Variants in RBFOX1 observed in about 807,000 individuals in gnomAD.
The protein encoded by RBFOX1 is RNA binding fox-1 homolog 1, also known as RNA binding protein fox-1 homolog 1.
Under a neutral mutation model 57.7 loss-of-function variants are expected in RBFOX1, and 8 were observed. The ratio of observed to expected loss-of-function variants is 0.14; its 90% CI spans 0.08 to 0.25. The LOEUF is 0.25. Among genes scored for constraint, RBFOX1 ranks in the 10% least tolerant of loss-of-function variants. The pLI, the probability that RBFOX1 is intolerant of heterozygous loss-of-function variation, is 1.00. For synonymous variants in RBFOX1, 326 were observed against 222.4 expected, an observed-to-expected ratio of 1.47 and a Z score of -4.15; for missense variants, 611 against 548.5, an observed-to-expected ratio of 1.11 and a Z score of -1.14.
At chr16:6,312,545 C>T (rs766441704) in intron 1 of RBFOX1, among the ~76,000 whole-genome samples, 1 of 152,092 alleles carries the variant, frequency 6.6e-6, no homozygotes, top group Admixed American at 6.5e-5. Flanking sequence ...GCGCTGCAGA[C>T]CCAATTTCTG....
intron 2 of RBFOX1, among the ~76,000 whole-genome samples, chr16:6,473,097 C>T (rs2095215488): frequency 6.6e-6 from 1 of 152,174 alleles, no homozygotes; most frequent in Non-Finnish European, 1.5e-5. Flanking sequence ...TAGTCTTCTG[C>T]CCGGGGACCC....
At chr16:6,448,127 ATTTTTCTTT>A (rs927789013) in intron 2 of RBFOX1, among the ~76,000 whole-genome samples, 1 of 99,584 alleles carries the variant, frequency 1.0e-5, no homozygotes, top group African/African-American at 4.0e-5. Flanking sequence ...CTGATCAGAC[ATTTTTCTTT>A]TTTTTCTTTT....
chr16:6,067,771 C>G (rs1158697669), intron 1 of RBFOX1, among the ~76,000 whole-genome samples: 1 of 152,164 alleles, frequency 6.6e-6, no homozygotes. Context: ...AAGCTCATTA[C>G]CTAGAGCAAA....
rs960305665 is a variant in RBFOX1 at position 7,401,643 on chromosome 16, C to T, written c.28-116504C>T. Among the ~76,000 whole-genome samples, 4 of 152,300 alleles carry T rather than the reference C, an allele frequency of 2.6e-5. 1 individual carries two copies. The Middle Eastern group carries it at 0.01, about 389-fold the overall frequency. On this transcript the variant is annotated intron_variant, in intron 4 of 15. Transcript: ENST00000550418. ...ATGCATTGATTAGCTTCTTTGAACC[C>T]ACTTTTCATTATCTATCAAGTAGAG...
intron 4 of RBFOX1, among the ~76,000 whole-genome samples, chr16:7,482,225 G>A (rs1458751804): frequency 6.6e-6 from 1 of 152,218 alleles, no homozygotes; most frequent in Non-Finnish European, 1.5e-5. Context: ...AGTGCCTGGT[G>A]CATTGCATTG....
At chr16:7,363,725 A>C (rs1484204613) in intron 4 of RBFOX1, among the ~76,000 whole-genome samples, 2 of 152,174 alleles carry the variant, frequency 1.3e-5, no homozygotes, top group Non-Finnish European at 2.9e-5. Flanking sequence ...CTTACGGCTA[A>C]GTACATTTTA....
chr16:7,596,082 GTTTTTTTGTTTGTT>G (rs1255603923), intron 8 of RBFOX1, among the ~76,000 whole-genome samples: 59 of 30,606 alleles, frequency 1.9e-3, no homozygotes, highest in African/African-American at 6.3e-3. Context: ...AAAAAAGATT[GTTTTTTTGTTTGTT>G]TTTTTTTGTT....
chr16:5,270,014 G>A (rs1457209501), intron 1 of RBFOX1, among the ~76,000 whole-genome samples: 1 of 152,122 alleles, frequency 6.6e-6, no homozygotes, highest in Non-Finnish European at 1.5e-5. Flanking sequence ...ATAAATAGCA[G>A]CTGGGTGCAG....
intron 1 of RBFOX1, among the ~76,000 whole-genome samples, chr16:5,255,312 C>G (rs1189406145): frequency 6.7e-6 from 1 of 149,242 alleles, no homozygotes; most frequent in African/African-American, 2.5e-5. Context: ...GCCTATCCGT[C>G]CACACTTCCT....
intron 3 of RBFOX1, among the ~76,000 whole-genome samples, chr16:5,709,330 A>T (rs1429273036): frequency 6.6e-6 from 1 of 152,200 alleles, no homozygotes; most frequent in African/African-American, 2.4e-5. Context: ...AGAGTAAGGA[A>T]TGGTTCTTCT....
intron 3 of RBFOX1, among the ~76,000 whole-genome samples, chr16:5,701,209 G>A (rs1481571926): frequency 6.6e-6 from 1 of 152,172 alleles, no homozygotes. Flanking sequence ...GGCCTCCCCT[G>A]CCAGACTATG....
chr16:6,756,289 A>T (rs1461977321), intron 3 of RBFOX1, among the ~76,000 whole-genome samples: 1 of 152,200 alleles, frequency 6.6e-6, no homozygotes, highest in Non-Finnish European at 1.5e-5. Flanking sequence ...GAGTGAAACA[A>T]GACCCTATTT....
intron 4 of RBFOX1, among the ~76,000 whole-genome samples, chr16:5,902,993 C>G (rs977276538): frequency 3.3e-5 from 5 of 152,120 alleles, no homozygotes; most frequent in African/African-American, 7.2e-5. Context: ...CTCCCCCACC[C>G]TCAACAAACG....
At chr16:7,392,798 G>A (rs1342825236) in intron 4 of RBFOX1, among the ~76,000 whole-genome samples, 1 of 152,108 alleles carries the variant, frequency 6.6e-6, no homozygotes, top group Non-Finnish European at 1.5e-5. Context: ...TCCTCAGTCC[G>A]TGGATTGTTT....
chr16:7,330,569 A>G, intron 4 of RBFOX1, among the ~76,000 whole-genome samples: 1 of 150,810 alleles, frequency 6.6e-6, no homozygotes, highest in Non-Finnish European at 1.5e-5. Context: ...AATACAATGG[A>G]TCACTATCTT....
At chr16:5,270,311 G>C in intron 1 of RBFOX1, 1 of 696,614 alleles carries the variant, frequency 1.4e-6, no homozygotes, top group Non-Finnish European at 2.6e-6. Context: ...ATATTGGAAA[G>C]ACTTGGTCAC....
At chr16:6,460,008 A>G (rs1486438340) in intron 2 of RBFOX1, among the ~76,000 whole-genome samples, 1 of 134,982 alleles carries the variant, frequency 7.4e-6, no homozygotes, top group East Asian at 1.9e-4. Context: ...AAAAAAAAAA[A>G]AAAAAAAAAA....
intron 2 of RBFOX1, among the ~76,000 whole-genome samples, chr16:6,525,523 A>G (rs1483367996): frequency 6.6e-6 from 1 of 152,236 alleles, no homozygotes; most frequent in African/African-American, 2.4e-5. Flanking sequence ...CTGCTATAAC[A>G]AAACATCACA....
chr16:6,754,665 AAG>A (rs1030257442), intron 3 of RBFOX1, among the ~76,000 whole-genome samples: 1 of 152,102 alleles, frequency 6.6e-6, no homozygotes, highest in South Asian at 2.1e-4. Flanking sequence ...AGGTGGGAGA[AAG>A]AGAGAATTAG....
Sources: gnomAD v4.1 joint callset for allele counts (sites outside exome capture counted in the v4.1 genomes callset) on GRCh38, gnomAD v4.1.1 for gene constraint, MANE v1.5 for transcripts, NCBI Gene and HGNC (gene_info 2026-07-23, HGNC 2026-07-21) for gene names.